The following TRIM9 variants were observed in gnomAD, a reference collection of about 807,000 sequenced individuals.
The protein encoded by TRIM9 is E3 ubiquitin-protein ligase TRIM9.
A neutral mutation model predicts 78.3 loss-of-function variants in TRIM9; 26 were observed. That is an observed-to-expected ratio of 0.33 (90% CI 0.24 to 0.46). TRIM9 has a LOEUF of 0.46. TRIM9 is among the 20% of genes least tolerant of loss of function. The pLI is 1.00. For missense variants in TRIM9, 787 were observed against 1,036.4 expected (o/e 0.76, Z 3.30); for synonymous variants, 398 against 416.5 (o/e 0.96, Z 0.54).
At chr14:50,982,892 C>T in intron 10 of TRIM9, 50 bp downstream of exon 10, 1 of 1,510,074 alleles carries the variant, frequency 6.6e-7, no homozygotes, top group Non-Finnish European at 9.0e-7. Flanking sequence ...AGACACCTCA[C>T]ATGCACTTTG....
At chr14:51,039,755 C>CTTT (rs34171875) in intron 1 of TRIM9, among the ~76,000 whole-genome samples, 1 of 147,824 alleles carries the variant, frequency 6.8e-6, no homozygotes, top group Non-Finnish European at 1.5e-5. Flanking sequence ...TTTAAATAAA[C>CTTT]TTTTTTTTTT....
intron 3 of TRIM9, 46 bp from the exon 4 acceptor site, chr14:51,010,540 G>T: frequency 6.9e-7 from 1 of 1,458,418 alleles, no homozygotes; most frequent in African/African-American, 1.4e-5. Flanking sequence ...ATGGCAGAGG[G>T]TAGAAGAGAA....
rs1011492204 is a variant in TRIM9, at chr14:51,087,318, T to A, written c.822+6800A>T. Among the ~76,000 whole-genome samples the A allele has an allele frequency of 2.6e-5, 4 of 152,218 alleles. No individual in the cohort carries two copies. The South Asian group carries it at 8.3e-4, about 32-fold the overall frequency. The stretch of plus-strand genomic sequence containing the variant: ...AGACCCATGGCCAACATGCTGCACT[T>A]TAGGCCTGGATAGTTTAAAAAGAAG... On this transcript the variant is annotated intron_variant, in intron 1 of 12. Coordinates refer to ENST00000684578, the MANE Select transcript of TRIM9 (RefSeq NM_001387360.1).
chr14:51,009,005 G>T lies in TRIM9; in HGVS notation c.1306+75C>A, dbSNP rs901638832. On this transcript the variant is annotated intron_variant, in intron 5 of 12. Transcript: ENST00000684578. ...CATATTCTTGTTACATTAGCCAAAG[G>T]GGTACTGATCCTGCTTCAAGCACCA... 6 of 1,458,748 alleles carry T rather than the reference G, an allele frequency of 4.1e-6. No homozygotes were observed. The Admixed American group carries it at 6.9e-5, about 17-fold the overall frequency. 90.4% of individuals were successfully genotyped at this position (1,458,748 alleles called of 1,614,324 possible).
chr14:51,021,469 T>C (rs1173220086), intron 3 of TRIM9, among the ~76,000 whole-genome samples: 3 of 152,198 alleles, frequency 2.0e-5, no homozygotes, highest in Non-Finnish European at 4.4e-5. Flanking sequence ...TCTGTACCTA[T>C]GTTGGAGTCA....
intron 1 of TRIM9, among the ~76,000 whole-genome samples, chr14:51,031,764 C>A (rs992114301): frequency 2.0e-5 from 3 of 152,206 alleles, no homozygotes; most frequent in African/African-American, 7.2e-5. Context: ...CTGCCACTGA[C>A]CCAGGGAGAG....
At chr14:51,034,772 T>C (rs1437646002) in intron 1 of TRIM9, among the ~76,000 whole-genome samples, 1 of 152,232 alleles carries the variant, frequency 6.6e-6, no homozygotes, top group African/African-American at 2.4e-5. Flanking sequence ...GCATGGATTC[T>C]GGCCCCAAAC....
intron 1 of TRIM9, among the ~76,000 whole-genome samples, chr14:51,057,335 T>A (rs1452484496): frequency 1.3e-5 from 2 of 152,204 alleles, no homozygotes; most frequent in African/African-American, 4.8e-5. Context: ...TCTAAAATAA[T>A]CCAAATTACC....
intron 1 of TRIM9, among the ~76,000 whole-genome samples, chr14:51,050,058 T>A (rs1044242701): frequency 3.9e-5 from 6 of 152,052 alleles, no homozygotes; most frequent in African/African-American, 1.5e-4. Flanking sequence ...CAGTTTTTAG[T>A]GGGGGATTGA....
chr14:51,051,880 T>C (rs1169128674), intron 1 of TRIM9, among the ~76,000 whole-genome samples: 3 of 151,964 alleles, frequency 2.0e-5, no homozygotes, highest in African/African-American at 4.8e-5. Flanking sequence ...GGTGAGATAA[T>C]TGCTTGAACC....
At chr14:51,072,034 T>C (rs7149252) in intron 1 of TRIM9, among the ~76,000 whole-genome samples, 41,230 of 151,966 alleles carry the variant, frequency 0.27, 6,202 homozygotes, top group African/African-American at 0.4. Flanking sequence ...AACTTTCCTT[T>C]CTTCCTTCCT....
intron 1 of TRIM9, among the ~76,000 whole-genome samples, chr14:51,027,293 A>G (rs367754469): frequency 1.2e-4 from 18 of 151,944 alleles, no homozygotes; most frequent in African/African-American, 4.3e-4. Context: ...ACAGCCGTGC[A>G]CCACCACACC....
chr14:50,977,393 T>TC (rs747448446), intron 12 of TRIM9, 40 bp from the exon 13 acceptor site: 77 of 1,444,044 alleles, frequency 5.3e-5, no homozygotes, highest in Non-Finnish European at 7.1e-5. Flanking sequence ...GCATCGTGCA[T>TC]CCCCCTGTCC....
intron 1 of TRIM9, among the ~76,000 whole-genome samples, chr14:51,037,504 C>A (rs1318267385): frequency 6.6e-6 from 1 of 152,060 alleles, no homozygotes; most frequent in Non-Finnish European, 1.5e-5. Flanking sequence ...GTGATCAGAT[C>A]AGAAAAGAAA....
chr14:51,021,192 G>A (rs1388751347), intron 3 of TRIM9, among the ~76,000 whole-genome samples: 3 of 152,174 alleles, frequency 2.0e-5, no homozygotes, highest in African/African-American at 7.2e-5. Flanking sequence ...TGTTAGGCCA[G>A]GTGCTGGATA....
At chr14:51,016,418 G>A (rs2057197065) in intron 3 of TRIM9, among the ~76,000 whole-genome samples, 1 of 151,982 alleles carries the variant, frequency 6.6e-6, no homozygotes, top group African/African-American at 2.4e-5. Flanking sequence ...AGAATCTAAT[G>A]CCTGATGATC....
intron 1 of TRIM9, among the ~76,000 whole-genome samples, chr14:51,049,754 G>A (rs1323103478): frequency 6.6e-6 from 1 of 151,792 alleles, no homozygotes; most frequent in Non-Finnish European, 1.5e-5. Flanking sequence ...GAACCCAGGA[G>A]GCAGAGGTTG....
chr14:51,042,143 T>C (rs2059622770), intron 1 of TRIM9, among the ~76,000 whole-genome samples: 1 of 152,172 alleles, frequency 6.6e-6, no homozygotes, highest in Admixed American at 6.5e-5. Flanking sequence ...ACTCCCTCAC[T>C]CCAGCATGAT....
chr14:50,979,537 C>A lies in TRIM9; in HGVS notation c.2175G>T (p.Gly725=). The A allele has an allele frequency of 6.2e-7, 1 of 1,613,870 alleles. No homozygotes were observed. The highest frequency in any genetic ancestry group is 1.1e-5 in the South Asian group (1 of 91,072). Residue 725 remains glycine (G), a synonymous_variant, in exon 12 of 13, where the codon GGG becomes GGT. Transcript: ENST00000684578. Reference sequence around the variant, plus strand: ...CCCCAATTGTGGCCCCTTTTGTGATCCCTCCCTCAGTTCTGTAGGAAAAGA... The same window carrying A: ...CCCCAATTGTGGCCCCTTTTGTGATACCTCCCTCAGTTCTGTAGGAAAAGA... ...NNSHTNRTEG[G]ITKGATIGVL... is the part of the protein sequence containing the mutation.
Sources: allele counts gnomAD v4.1 joint callset (sites outside exome capture counted in the v4.1 genomes callset), GRCh38; gene constraint gnomAD v4.1.1; transcripts MANE v1.5; gene names NCBI Gene and HGNC (gene_info 2026-07-23, HGNC 2026-07-21).